Variants in PLXNC1 observed in about 807,000 individuals in gnomAD.
The protein encoded by PLXNC1 is plexin-C1.
PLXNC1 carries 75 observed loss-of-function variants against 178.2 expected under a neutral mutation model. The observed-to-expected ratio is 0.42, with a 90% CI of 0.35 to 0.51. The LOEUF is 0.51. PLXNC1 is among the 20% of genes least tolerant of loss of function. The pLI is 0.02. For synonymous variants in PLXNC1, 790 were observed against 779.9 expected (o/e 1.01, Z -0.22); for missense variants, 1,503 against 1,984.4 (o/e 0.76, Z 4.61).
intron 1 of PLXNC1, among the ~76,000 whole-genome samples, chr12:94,154,550 A>T (rs903549444): frequency 2.9e-4 from 44 of 152,236 alleles, no homozygotes; most frequent in Admixed American, 1.7e-3. Flanking sequence ...TTAAATAATT[A>T]CTACATGCAA....
At chr12:94,204,882 TATTATATC>T (rs1963252426) in intron 4 of PLXNC1, among the ~76,000 whole-genome samples, 1 of 152,170 alleles carries the variant, frequency 6.6e-6, no homozygotes, top group Non-Finnish European at 1.5e-5. Flanking sequence ...AGTTTTCTGA[TATTATATC>T]AGTGTAGAAT....
chr12:94,253,799 A>T (rs1964766829), intron 15 of PLXNC1, among the ~76,000 whole-genome samples: 1 of 151,618 alleles, frequency 6.6e-6, no homozygotes, highest in African/African-American at 2.4e-5. Context: ...TCGGCCTCCC[A>T]AGTAGCTGGG....
chr12:94,148,597 A>T lies in PLXNC1; in HGVS notation c.-375A>T, dbSNP rs1203865414. 6.6e-6 allele frequency: 1 copy of T among 151,560 alleles called. No homozygotes were observed. Among genetic ancestry groups the T allele is most frequent in the African/African-American group, 2.4e-5 (1 of 41,260 alleles). The allele number at this position is 151,560 out of a possible 1,614,324, so 9.4% of individuals were successfully genotyped here. On this transcript the variant is annotated 5_prime_UTR_variant, in exon 1 of 31. Coordinates refer to ENST00000258526, the MANE Select transcript of PLXNC1 (RefSeq NM_005761.3). The surrounding 1 kb of genome is among the most constrained non-coding windows in gnomAD (Gnocchi z 4.8). ...CTTTCACAATGGGAAAGTGAAACGC[A>T]CAAGCGCACCCAACCTCTCCAGCCC... is the stretch of plus-strand genomic sequence containing the variant.
intron 2 of PLXNC1, among the ~76,000 whole-genome samples, chr12:94,179,085 C>T (rs910560281): frequency 1.3e-5 from 2 of 152,194 alleles, no homozygotes; most frequent in African/African-American, 2.4e-5. Context: ...AAGCTAGACT[C>T]GGGCCCAGGT....
chr12:94,237,579 C>T lies in PLXNC1; in HGVS notation c.1981-85C>T, dbSNP rs866767242. On this transcript the variant is annotated intron_variant, in intron 9 of 30. Coordinates refer to ENST00000258526, the MANE Select transcript of PLXNC1 (RefSeq NM_005761.3). ...TGTTGTAATTTCCCAGTGATTTCTT[C>T]GAACTGCAGCGTATAAACAGATTTT... The T allele has an allele frequency of 3.3e-5, 38 of 1,139,172 alleles. 1 individual carries two copies. The Middle Eastern group carries it at 2.1e-3, about 63-fold the overall frequency. The allele number at this position is 1,139,172 out of a possible 1,614,324, so 70.6% of individuals were successfully genotyped here. A position where few individuals can be genotyped will look rare whatever the true frequency, so the allele number is the denominator to read the frequency against.
Position 94,307,583 on chromosome 12 carries a change from C to CTATT in PLXNC1, c.*2300_*2303dup, listed in dbSNP as rs1339321154. ...CCTTTTCTGTATTAGGATTTAAAGT[C>CTATT]TATTTCTTATTGTATACCTGATTGA... is the stretch of plus-strand genomic sequence containing the variant. On this transcript the variant is annotated 3_prime_UTR_variant, in exon 31 of 31. Transcript: ENST00000258526. 4 of 151,842 alleles carry CTATT rather than the reference C, an allele frequency of 2.6e-5. No individual in the cohort carries two copies. The highest frequency in any genetic ancestry group is 9.7e-5 in the African/African-American group (4 of 41,336). 9.4% of individuals were successfully genotyped at this position (151,842 alleles called of 1,614,324 possible). A position where few individuals can be genotyped will look rare whatever the true frequency, so the allele number is the denominator to read the frequency against.
At chr12:94,261,196 T>C (rs1018336424) in intron 20 of PLXNC1, among the ~76,000 whole-genome samples, 5 of 152,202 alleles carry the variant, frequency 3.3e-5, no homozygotes. Flanking sequence ...CTCTGAAGCA[T>C]TGTAGAAATA....
chr12:94,299,570 T>TC (rs1295390464), intron 27 of PLXNC1, among the ~76,000 whole-genome samples: 34 of 152,230 alleles, frequency 2.2e-4, no homozygotes, highest in African/African-American at 6.5e-4. Flanking sequence ...CTAGCCTCTT[T>TC]TTTTTTGAGA....
At chr12:94,164,316 C>T (rs1481961524) in intron 1 of PLXNC1, among the ~76,000 whole-genome samples, 2 of 152,182 alleles carry the variant, frequency 1.3e-5, no homozygotes, top group African/African-American at 4.8e-5. Context: ...AATCAACATA[C>T]AGGAATCCTT....
intron 6 of PLXNC1, among the ~76,000 whole-genome samples, chr12:94,222,621 C>T (rs1279381618): frequency 6.6e-6 from 1 of 152,196 alleles, no homozygotes; most frequent in Non-Finnish European, 1.5e-5. Context: ...ATTATTTTAC[C>T]TCTTCCAGAA....
intron 2 of PLXNC1, among the ~76,000 whole-genome samples, chr12:94,173,864 G>A (rs73222665): frequency 0.029 from 4,451 of 152,280 alleles, 82 homozygotes; most frequent in South Asian, 0.055. Context: ...CCAGCTGAGT[G>A]CAGAGCCCGC....
chr12:94,233,438 C>A (rs1352149890), intron 9 of PLXNC1, among the ~76,000 whole-genome samples: 1 of 152,206 alleles, frequency 6.6e-6, no homozygotes, highest in Non-Finnish European at 1.5e-5. Context: ...ACTCAGAAGG[C>A]TCAAATGCCA....
At chr12:94,256,486 C>T (rs1297171540) in intron 17 of PLXNC1, among the ~76,000 whole-genome samples, 4 of 149,654 alleles carry the variant, frequency 2.7e-5, no homozygotes, top group African/African-American at 5.0e-5. Flanking sequence ...CCAAGAGTAC[C>T]GAGGCACCGA....
rs145793145 is a variant in PLXNC1 at position 94,155,729 on chromosome 12, A to G, written c.1062+5696A>G. ...GCATATAACAGTTTATTTGTATTTCACTCCCAGATGTGGGGGGATGTCTAG... is the reference window on the plus strand; with the variant it reads ...GCATATAACAGTTTATTTGTATTTCGCTCCCAGATGTGGGGGGATGTCTAG... On this transcript the variant is annotated intron_variant, in intron 1 of 30. Transcript: ENST00000258526. Among the ~76,000 whole-genome samples, 152 of 151,978 alleles carry G rather than the reference A, an allele frequency of 1.0e-3. No individual in the cohort carries two copies. In the East Asian group the frequency reaches 0.017, roughly 17 times the overall value.
chr12:94,173,015 C>G (rs1334059479), intron 2 of PLXNC1, among the ~76,000 whole-genome samples: 1 of 152,114 alleles, frequency 6.6e-6, no homozygotes, highest in Admixed American at 6.5e-5. Flanking sequence ...TATCGGTGTA[C>G]CGTCCCATGG....
At chr12:94,227,758 T>C (rs1963986336) in intron 9 of PLXNC1, among the ~76,000 whole-genome samples, 1 of 152,204 alleles carries the variant, frequency 6.6e-6, no homozygotes, top group African/African-American at 2.4e-5. Flanking sequence ...TCCATGAACT[T>C]TCCTTGGAAA....
Position 94,169,263 on chromosome 12 carries a change from C to T in PLXNC1, c.1173C>T (p.Phe391=). The stretch of plus-strand genomic sequence containing the variant: ...TGGTAATGAACAGGACTGTTTTATT[C>T]TTGGGGACTGGAGATGGCCAGTTAC... ...GTVVMNRTVL[F]LGTGDGQLLK... is the part of the protein sequence containing the mutation. The change falls in exon 2 of 31, where the codon TTC becomes TTT. Residue 391 remains phenylalanine, a synonymous_variant. Coordinates refer to ENST00000258526, the MANE Select transcript of PLXNC1 (RefSeq NM_005761.3). 6.2e-7 allele frequency: 1 copy of T among 1,613,946 alleles called. No homozygotes were observed. Among genetic ancestry groups the T allele is most frequent in the Non-Finnish European group, 8.5e-7 (1 of 1,179,876 alleles).
At position 94,169,302 on chromosome 12, in the gene PLXNC1, T is replaced by C; in HGVS notation, c.1203+9T>C. On this transcript the variant is annotated intron_variant, in intron 2 of 30. Transcript: ENST00000258526. ...ATGGCCAGTTACTTAAGGTTGGTTT[T>C]CTGTGCCTTCTTCAAATGTCTATTT... 1.2e-6 allele frequency: 2 copies of C among 1,611,342 alleles called. No homozygotes were observed.
Position 94,306,826 on chromosome 12 carries a change from T to G in PLXNC1, c.*1541T>G, listed in dbSNP as rs1168850874. Reference sequence around the variant, plus strand: ...CAGAGAAAATAAGCAGTTACTACCCTGATAGGCACCTTCCCAATCCTGTTG... The same window carrying G: ...CAGAGAAAATAAGCAGTTACTACCCGGATAGGCACCTTCCCAATCCTGTTG... On this transcript the variant is annotated 3_prime_UTR_variant, in exon 31 of 31. Transcript: ENST00000258526. The G allele has an allele frequency of 6.6e-6, 1 of 152,214 alleles. No individual in the cohort carries two copies. The highest frequency in any genetic ancestry group is 1.9e-4 in the East Asian group (1 of 5,198). The allele number at this position is 152,214 out of a possible 1,614,324, so 9.4% of individuals were successfully genotyped here.
Sources: gnomAD v4.1 joint callset for allele counts (sites outside exome capture counted in the v4.1 genomes callset) on GRCh38, gnomAD v4.1.1 for gene constraint, Gnocchi (gnomAD v3.1) non-coding constraint, MANE v1.5 for transcripts, NCBI Gene and HGNC (gene_info 2026-07-23, HGNC 2026-07-21) for gene names.